The following NRXN3 variants were observed in gnomAD, a reference collection of about 807,000 sequenced individuals.
NRXN3 encodes neurexin III.
NRXN3 carries 32 observed loss-of-function variants against 137.6 expected under a neutral mutation model. That is an observed-to-expected ratio of 0.23 (90% CI 0.18 to 0.31). The LOEUF (loss-of-function observed/expected upper bound fraction) is 0.31. Among genes scored for constraint, NRXN3 ranks in the 10% least tolerant of loss-of-function variants. The probability of loss-of-function intolerance (pLI) is 1.00; values close to 1 mark genes in which losing one functional copy is unlikely to be tolerated. For synonymous variants in NRXN3, 798 were observed against 784.5 expected, an observed-to-expected ratio of 1.02 and a Z score of -0.29; for missense variants, 1,574 against 2,062.5, an observed-to-expected ratio of 0.76 and a Z score of 4.59.
At chr14:79,504,655 G>GTATATATATA (rs994714026) in intron 16 of NRXN3, among the ~76,000 whole-genome samples, 15 of 104,226 alleles carry the variant, frequency 1.4e-4, no homozygotes, top group South Asian at 9.5e-4. Context: ...ATATATATAT[G>GTATATATATA]TATATATATA....
intron 19 of NRXN3, among the ~76,000 whole-genome samples, chr14:79,756,064 A>T (rs900957567): frequency 6.6e-6 from 1 of 152,148 alleles, no homozygotes; most frequent in African/African-American, 2.4e-5. Flanking sequence ...TAGGGACTTT[A>T]ATAGCCCCTG....
At chr14:78,315,191 C>T (rs114349907) in intron 4 of NRXN3, among the ~76,000 whole-genome samples, 1,569 of 151,726 alleles carry the variant, frequency 0.01, 30 homozygotes, top group African/African-American at 0.036. Flanking sequence ...TTAGTAGAGA[C>T]CCTGTTGGCC....
chr14:79,842,348 T>C (rs1032789643), intron 20 of NRXN3, among the ~76,000 whole-genome samples: 3 of 152,062 alleles, frequency 2.0e-5, no homozygotes, highest in African/African-American at 7.2e-5. Flanking sequence ...AGAAGTAAAA[T>C]TGTAGCAGAG....
At chr14:79,840,544 T>G (rs772323603) in intron 20 of NRXN3, among the ~76,000 whole-genome samples, 1 of 152,134 alleles carries the variant, frequency 6.6e-6, no homozygotes, top group Non-Finnish European at 1.5e-5. Flanking sequence ...CAGTGAGAAC[T>G]GAATATTTTA....
intron 8 of NRXN3, among the ~76,000 whole-genome samples, chr14:78,742,463 A>G (rs563160414): frequency 6.6e-6 from 1 of 152,262 alleles, no homozygotes; most frequent in Non-Finnish European, 1.5e-5. Context: ...GGAATAAGCC[A>G]TATCAATTGC....
At chr14:78,470,279 T>G (rs2153727582) in intron 4 of NRXN3, among the ~76,000 whole-genome samples, 1 of 152,308 alleles carries the variant, frequency 6.6e-6, no homozygotes, top group East Asian at 1.9e-4. Context: ...AAAGGACATA[T>G]TTATGAGTCC....
intron 15 of NRXN3, among the ~76,000 whole-genome samples, chr14:79,454,631 A>G (rs1296685037): frequency 1.3e-5 from 2 of 152,218 alleles, no homozygotes; most frequent in Non-Finnish European, 2.9e-5. Flanking sequence ...TAATATTGTG[A>G]TAATGAACAT....
At chr14:79,019,957 AG>A (rs2099585922) in intron 15 of NRXN3, among the ~76,000 whole-genome samples, 2 of 152,080 alleles carry the variant, frequency 1.3e-5, no homozygotes, top group South Asian at 4.1e-4. Flanking sequence ...AAAAAAGAAA[AG>A]TTAAAAATTT....
chr14:79,479,564 A>G (rs2096588890), intron 16 of NRXN3, among the ~76,000 whole-genome samples: 1 of 152,044 alleles, frequency 6.6e-6, no homozygotes, highest in African/African-American at 2.4e-5. Flanking sequence ...TGTTGAATTT[A>G]GCAGGACCTG....
At chr14:78,601,040 G>GCCTTT (rs2097197626) in intron 4 of NRXN3, among the ~76,000 whole-genome samples, 2 of 152,024 alleles carry the variant, frequency 1.3e-5, no homozygotes, top group South Asian at 4.2e-4. Context: ...CCTAGTTCAG[G>GCCTTT]GTTTCATCAC....
chr14:78,946,433 A>G (rs921582223), intron 10 of NRXN3, among the ~76,000 whole-genome samples: 15 of 152,126 alleles, frequency 9.9e-5, no homozygotes, highest in Non-Finnish European at 2.9e-5. Context: ...CTTCCACATG[A>G]TTGGTGTTTA....
intron 15 of NRXN3, among the ~76,000 whole-genome samples, chr14:79,030,311 T>C (rs966820164): frequency 6.6e-6 from 1 of 152,068 alleles, no homozygotes; most frequent in Non-Finnish European, 1.5e-5. Context: ...GCCACAATTG[T>C]TCCCAGTTGA....
intron 15 of NRXN3, among the ~76,000 whole-genome samples, chr14:79,000,350 T>C (rs1387236201): frequency 6.6e-6 from 1 of 152,208 alleles, no homozygotes; most frequent in Admixed American, 6.5e-5. Context: ...CCTTTGTTTC[T>C]ATGTCTTAAG....
chr14:79,318,357 G>A (rs1333267271), intron 15 of NRXN3, among the ~76,000 whole-genome samples: 6 of 152,244 alleles, frequency 3.9e-5, no homozygotes, highest in African/African-American at 1.2e-4. Flanking sequence ...GGGAAGGAAG[G>A]AAGGGACAGT....
At chr14:78,311,518 A>G (rs1238245678) in intron 4 of NRXN3, among the ~76,000 whole-genome samples, 2 of 152,296 alleles carry the variant, frequency 1.3e-5, no homozygotes, top group Admixed American at 6.5e-5. Context: ...CTTTCTTAAA[A>G]CATTATGAGA....
rs1185695886 is a variant in NRXN3 at position 78,645,284 on chromosome 14, C to T, written c.922C>T (p.Leu308=). ...HTGKSADYVN[L]ALKDGAVSLV... ...GGGCAAGTCGGCTGACTATGTCAAC[C>T]TGGCTCTGAAGGATGGTGCGGTCTC... The change falls in exon 5 of 21, where the codon CTG becomes TTG. Residue 308 remains leucine (L), a synonymous_variant. Coordinates refer to ENST00000335750, the MANE Select transcript of NRXN3 (RefSeq NM_001330195.2). The T allele has an allele frequency of 6.3e-7, 1 of 1,598,814 alleles. No individual in the cohort carries two copies. Among genetic ancestry groups the T allele is most frequent in the Non-Finnish European group, 8.5e-7 (1 of 1,179,818 alleles).
In NRXN3 at chr14:78,751,080, A is replaced by G. The variant is rs938767849; in HGVS notation, c.2044+35941A>G. On this transcript the variant is annotated intron_variant, in intron 8 of 20. Transcript: ENST00000335750. ...TAGGCTCTCTGAAGCCTCTTAGATA[A>G]AAGAAGTCCTTAGCTTTGACTATAA... is the stretch of plus-strand genomic sequence containing the variant. Among the ~76,000 whole-genome samples, 16 of 152,270 alleles carry G rather than the reference A, an allele frequency of 1.1e-4. No individual in the cohort carries two copies. The East Asian group carries it at 3.1e-3, about 29-fold the overall frequency.
intron 15 of NRXN3, among the ~76,000 whole-genome samples, chr14:79,084,753 T>G (rs1246440363): frequency 6.6e-6 from 1 of 152,176 alleles, no homozygotes; most frequent in East Asian, 1.9e-4. Flanking sequence ...ATTGATTTTT[T>G]TAAAAACAAA....
intron 6 of NRXN3, among the ~76,000 whole-genome samples, chr14:78,692,900 G>C (rs966973393): frequency 8.0e-5 from 12 of 149,806 alleles, no homozygotes; most frequent in Non-Finnish European, 1.5e-4. Flanking sequence ...GGCCAACATA[G>C]TGAAATCCCG....
Sources: gnomAD v4.1 joint callset for allele counts (sites outside exome capture counted in the v4.1 genomes callset) on GRCh38, gnomAD v4.1.1 for gene constraint, MANE v1.5 for transcripts, NCBI Gene and HGNC (gene_info 2026-07-23, HGNC 2026-07-21) for gene names.